The following TXNDC12 variants were observed in gnomAD, a reference collection of about 807,000 sequenced individuals.
TXNDC12 encodes the protein thioredoxin domain-containing protein 12.
TXNDC12 carries 22 observed loss-of-function variants against 24.2 expected under a neutral mutation model. The observed-to-expected ratio is 0.91, with a 90% CI of 0.65 to 1.30. TXNDC12 has a LOEUF of 1.30. Among genes scored for constraint, TXNDC12 ranks in the 50% most tolerant of loss-of-function variants. The pLI, the probability that TXNDC12 is intolerant of heterozygous loss-of-function variation, is 0.00. For missense variants in TXNDC12, 184 were observed against 205.8 expected (o/e 0.89, Z 0.65); for synonymous variants, 58 against 73.4 (o/e 0.79, Z 1.07).
chr1:52,054,919 A>T (rs2124400597), intron 1 of TXNDC12, 81 bp downstream of exon 1: 1 of 1,078,266 alleles, frequency 9.3e-7, no homozygotes, highest in African/African-American at 1.6e-5. Context: ...ATGGGAGGGG[A>T]ACGGTGCTAG....
At chr1:52,040,447 A>G (rs749989044) in intron 2 of TXNDC12, among the ~76,000 whole-genome samples, 35 of 152,146 alleles carry the variant, frequency 2.3e-4, no homozygotes, top group Non-Finnish European at 4.4e-4. Flanking sequence ...TCAACCTACC[A>G]AAGTGCTGGG....
intron 2 of TXNDC12, among the ~76,000 whole-genome samples, chr1:52,035,552 C>T (rs1685865032): frequency 6.6e-6 from 1 of 152,050 alleles, no homozygotes; most frequent in South Asian, 2.1e-4. Flanking sequence ...ACTAAAAATA[C>T]TTTTTAAAAA....
chr1:52,033,355 GGCC>G (rs746375554), intron 2 of TXNDC12: 9 of 1,613,590 alleles, frequency 5.6e-6, no homozygotes, highest in African/African-American at 2.7e-5. Flanking sequence ...CTCAGCGCGT[GGCC>G]GCCAACTCAC....
At chr1:52,049,016 G>A (rs1686150852) in intron 1 of TXNDC12, among the ~76,000 whole-genome samples, 1 of 152,048 alleles carries the variant, frequency 6.6e-6, no homozygotes, top group Non-Finnish European at 1.5e-5. Flanking sequence ...TGTTCAATAT[G>A]GTAGTCACTA....
intron 1 of TXNDC12, among the ~76,000 whole-genome samples, chr1:52,050,401 C>T (rs945101253): frequency 6.6e-6 from 1 of 152,148 alleles, no homozygotes; most frequent in Non-Finnish European, 1.5e-5. Context: ...AGTAAAGTCT[C>T]CCACATCAGC....
chr1:52,033,210 A>T, intron 2 of TXNDC12: 1 of 1,614,188 alleles, frequency 6.2e-7, no homozygotes, highest in Non-Finnish European at 8.5e-7. Flanking sequence ...CAAGAGCTGG[A>T]GACTCCGCAG....
chr1:52,039,259 T>A (rs1572006667), intron 2 of TXNDC12, among the ~76,000 whole-genome samples: 1 of 152,000 alleles, frequency 6.6e-6, no homozygotes, highest in African/African-American at 2.4e-5. Flanking sequence ...CTTGTATGGG[T>A]TTCATGGTGT....
chr1:52,029,044 C>T (rs968208414), intron 2 of TXNDC12, among the ~76,000 whole-genome samples: 14 of 152,122 alleles, frequency 9.2e-5, no homozygotes, highest in African/African-American at 3.4e-4. Context: ...ATGAGAATTG[C>T]TTAAGCCTGG....
At chr1:52,046,605 G>A (rs937317745) in intron 1 of TXNDC12, among the ~76,000 whole-genome samples, 8 of 152,090 alleles carry the variant, frequency 5.3e-5, no homozygotes, top group African/African-American at 9.7e-5. Context: ...ACTGGGTGTC[G>A]TGGCTCACGC....
intron 2 of TXNDC12, among the ~76,000 whole-genome samples, chr1:52,037,209 T>C (rs1262837877): frequency 7.9e-6 from 1 of 125,928 alleles, no homozygotes; most frequent in Admixed American, 7.9e-5. Context: ...TAGACCACCT[T>C]TTTTTTTTTT....
chr1:52,021,578 A>G (rs1314990114), intron 6 of TXNDC12, among the ~76,000 whole-genome samples: 2 of 151,644 alleles, frequency 1.3e-5, no homozygotes, highest in East Asian at 3.9e-4. Context: ...AAAAAAAAAA[A>G]AAAGAGAGAG....
At chr1:52,033,792 C>G (rs886599215) in intron 2 of TXNDC12, 2 of 1,536,336 alleles carry the variant, frequency 1.3e-6, no homozygotes, top group African/African-American at 2.7e-5. Context: ...GGCAACCGCG[C>G]TGCGCCAACT....
Position 52,020,961 on chromosome 1 carries a change from C to T in TXNDC12, c.491G>A (p.Arg164Lys), listed in dbSNP as rs1360764522. The T allele has an allele frequency of 1.2e-6, 2 of 1,614,078 alleles. No homozygotes were observed. Reference protein sequence around the residue: ...AQERLTGDAFRKKHLEDEL With the variant: ...AQERLTGDAFKKKHLEDEL ...CAATTCATCTTCAAGATGTTTCTTTCTGAAGGCATCACCCGTCAGCCTTTC... is the reference window on the plus strand; with the variant it reads ...CAATTCATCTTCAAGATGTTTCTTTTTGAAGGCATCACCCGTCAGCCTTTC... Residue 164 changes from arginine to lysine, a missense_variant, in exon 7 of 7, where the codon AGA (arginine) becomes AAA (lysine). Physicochemically the swap from Arg to Lys is conservative, Grantham distance 26 (BLOSUM62 2). Coordinates refer to ENST00000371626, the MANE Select transcript of TXNDC12 (RefSeq NM_015913.4).
At chr1:52,038,971 G>C (rs1572006463) in intron 2 of TXNDC12, among the ~76,000 whole-genome samples, 1 of 130,852 alleles carries the variant, frequency 7.6e-6, no homozygotes, top group South Asian at 2.5e-4. Context: ...TTTTTTTGTA[G>C]AGACAGGGTC....
At chr1:52,021,872 G>A (rs539844015) in intron 6 of TXNDC12, among the ~76,000 whole-genome samples, 16 of 152,338 alleles carry the variant, frequency 1.1e-4, no homozygotes, top group African/African-American at 3.8e-4. Context: ...GGGTTTGAAT[G>A]TTCCAGTTTC....
chr1:52,023,613 A>G (rs1478698384), intron 5 of TXNDC12, 39 bp from the exon 6 acceptor site: 2 of 1,510,820 alleles, frequency 1.3e-6, no homozygotes, highest in Non-Finnish European at 1.8e-6. Context: ...TGCAGTAATT[A>G]CAACAGACAG....
intron 2 of TXNDC12, among the ~76,000 whole-genome samples, chr1:52,034,846 C>A (rs1202272414): frequency 1.3e-5 from 2 of 152,132 alleles, no homozygotes; most frequent in Non-Finnish European, 1.5e-5. Flanking sequence ...TCCCTGCAAC[C>A]TCCACCTCCT....
At chr1:52,047,862 A>G (rs1686127208) in intron 1 of TXNDC12, among the ~76,000 whole-genome samples, 1 of 152,260 alleles carries the variant, frequency 6.6e-6, no homozygotes, top group South Asian at 2.1e-4. Flanking sequence ...CACTGGGGGT[A>G]TAATAGTGTT....
At chr1:52,022,537 C>T (rs1025968192) in intron 6 of TXNDC12, among the ~76,000 whole-genome samples, 8 of 152,194 alleles carry the variant, frequency 5.3e-5, no homozygotes, top group South Asian at 4.2e-4. Context: ...TACATTCCCC[C>T]GCCACTTCAC....
Sources: allele counts gnomAD v4.1 joint callset (sites outside exome capture counted in the v4.1 genomes callset), GRCh38; gene constraint gnomAD v4.1.1; transcripts MANE v1.5; gene names NCBI Gene and HGNC (gene_info 2026-07-23, HGNC 2026-07-21).